Variants in EML1 observed in about 807,000 individuals in gnomAD.
EML1 encodes echinoderm microtubule-associated protein-like 1.
In EML1, 27 loss-of-function variants were observed where a neutral mutation model predicts 110.4. The observed-to-expected ratio is 0.24, with a 90% CI of 0.18 to 0.34. The LOEUF (loss-of-function observed/expected upper bound fraction) is 0.34. EML1 is among the 10% of genes least tolerant of loss of function. The pLI, the probability that EML1 is intolerant of heterozygous loss-of-function variation, is 1.00. For synonymous variants in EML1, 344 were observed against 385.8 expected (o/e 0.89, Z 1.27); for missense variants, 741 against 1,030.9 (o/e 0.72, Z 3.85).
At chr14:99,839,608 T>C (rs746132897) in intron 1 of EML1, among the ~76,000 whole-genome samples, 2 of 152,258 alleles carry the variant, frequency 1.3e-5, no homozygotes, top group Non-Finnish European at 2.9e-5. Context: ...AAAAGATCTT[T>C]ATACCATTTC....
intron 1 of EML1, among the ~76,000 whole-genome samples, chr14:99,783,775 G>A (rs1001989182): frequency 1.3e-5 from 2 of 152,310 alleles, no homozygotes; most frequent in Admixed American, 1.3e-4. Flanking sequence ...GAGCCACCAC[G>A]TCTGGCCCCA....
chr14:99,787,268 CTTTT>C (rs34680462), intron 1 of EML1, among the ~76,000 whole-genome samples: 3 of 101,610 alleles, frequency 3.0e-5, no homozygotes, highest in East Asian at 2.9e-4. Context: ...CTCTGAGATT[CTTTT>C]TTTTTTTTTT....
chr14:99,898,644 C>T (rs74924874), intron 8 of EML1, among the ~76,000 whole-genome samples: 300 of 151,678 alleles, frequency 2.0e-3, no homozygotes, highest in African/African-American at 6.8e-3. Flanking sequence ...CCCAGCTACT[C>T]TGGAGGCTGA....
chr14:99,854,724 A>G (rs1460253102), intron 2 of EML1, among the ~76,000 whole-genome samples: 1 of 151,946 alleles, frequency 6.6e-6, no homozygotes, highest in East Asian at 1.9e-4. Context: ...TGTTGGATTT[A>G]CTCTTGGATA....
At chr14:99,881,760 C>G (rs1000287993) in intron 4 of EML1, among the ~76,000 whole-genome samples, 2 of 151,948 alleles carry the variant, frequency 1.3e-5, no homozygotes, top group African/African-American at 4.8e-5. Context: ...GCCACCATGC[C>G]CAGCTAAGTT....
chr14:99,912,406 C>T (rs1333786905), intron 13 of EML1, among the ~76,000 whole-genome samples: 1 of 152,156 alleles, frequency 6.6e-6, no homozygotes, highest in East Asian at 1.9e-4. Flanking sequence ...CTTCTGCCCA[C>T]TCAGTGAATT....
chr14:99,801,083 G>T (rs528434871), intron 1 of EML1, among the ~76,000 whole-genome samples: 101 of 152,222 alleles, frequency 6.6e-4, no homozygotes, highest in Non-Finnish European at 1.3e-3. Context: ...CCTTCACTCT[G>T]CAAAGCCCCT....
intron 9 of EML1, among the ~76,000 whole-genome samples, chr14:99,904,043 A>G (rs1350967612): frequency 6.6e-6 from 1 of 152,122 alleles, no homozygotes; most frequent in Non-Finnish European, 1.5e-5. Flanking sequence ...TCGGCCTCCC[A>G]AAGTGCTGGG....
intron 8 of EML1, among the ~76,000 whole-genome samples, chr14:99,899,883 A>G (rs1259410497): frequency 2.6e-5 from 4 of 152,120 alleles, no homozygotes; most frequent in South Asian, 2.1e-4. Context: ...CAGTTTACCC[A>G]TAGAGAAATC....
chr14:99,917,557 C>T (rs929212576), intron 15 of EML1, among the ~76,000 whole-genome samples: 1 of 151,932 alleles, frequency 6.6e-6, no homozygotes, highest in Non-Finnish European at 1.5e-5. Context: ...GAGATCCTGC[C>T]TCAAAAAAGG....
At chr14:99,887,289 A>G (rs541492799) in intron 4 of EML1, among the ~76,000 whole-genome samples, 3 of 152,340 alleles carry the variant, frequency 2.0e-5, no homozygotes, top group African/African-American at 7.2e-5. Flanking sequence ...TCTTATAAGC[A>G]ATAAGAACTG....
In EML1 at chr14:99,879,131, T is replaced by C. The variant is rs1052005050; in HGVS notation, c.518+512T>C. ...CATTTTTCTTTATGGTTTCATGAAATACGTGGACTCCAAATTTTTGAGTTT... is the reference window on the plus strand; with the variant it reads ...CATTTTTCTTTATGGTTTCATGAAACACGTGGACTCCAAATTTTTGAGTTT... On this transcript the variant is annotated intron_variant, in intron 4 of 21. Transcript: ENST00000262233. 6.6e-5 allele frequency among the ~76,000 whole-genome samples: 10 copies of C among 152,340 alleles called. No individual in the cohort carries two copies. In the East Asian group the frequency reaches 1.7e-3, roughly 26 times the overall value.
At chr14:99,816,452 C>T (rs2058169348) in intron 1 of EML1, among the ~76,000 whole-genome samples, 1 of 152,200 alleles carries the variant, frequency 6.6e-6, no homozygotes, top group Non-Finnish European at 1.5e-5. Flanking sequence ...CGTGAGCCAC[C>T]GCACCCAGCC....
At chr14:99,838,647 C>G (rs903336419) in intron 1 of EML1, among the ~76,000 whole-genome samples, 3 of 151,550 alleles carry the variant, frequency 2.0e-5, no homozygotes, top group Non-Finnish European at 4.4e-5. Flanking sequence ...TTTTCTTTCT[C>G]CCGTCCAAGC....
intron 2 of EML1, among the ~76,000 whole-genome samples, chr14:99,860,582 T>C (rs1290835132): frequency 6.6e-6 from 1 of 152,190 alleles, no homozygotes; most frequent in African/African-American, 2.4e-5. Flanking sequence ...ATAATTTTTA[T>C]ACATGGTAAT....
chr14:99,890,507 C>A (rs991138807), intron 4 of EML1, among the ~76,000 whole-genome samples: 1 of 152,150 alleles, frequency 6.6e-6, no homozygotes, highest in Non-Finnish European at 1.5e-5. Context: ...GAAGTTTCTC[C>A]TGTGAGGTGC....
chr14:99,824,964 A>G (rs969191082), intron 1 of EML1, among the ~76,000 whole-genome samples: 5 of 152,114 alleles, frequency 3.3e-5, no homozygotes, highest in Non-Finnish European at 7.3e-5. Context: ...ATTCTTTTTT[A>G]TGGCTGTGTA....
intron 17 of EML1, among the ~76,000 whole-genome samples, chr14:99,927,537 A>G (rs1447284085): frequency 6.6e-6 from 1 of 152,114 alleles, no homozygotes; most frequent in Non-Finnish European, 1.5e-5. Context: ...CTAGATCCAT[A>G]AAGGTTGCCA....
exon 1 of EML1, chr14:99,773,694 A>G (rs2057450625): frequency 6.6e-6 from 1 of 152,218 alleles, no homozygotes; most frequent in African/African-American, 2.4e-5. Flanking sequence ...GATGCGCAGG[A>G]TCTTGTGGCA....
Sources: gnomAD v4.1 joint callset for allele counts (sites outside exome capture counted in the v4.1 genomes callset) on GRCh38, gnomAD v4.1.1 for gene constraint, MANE v1.5 for transcripts, NCBI Gene and HGNC (gene_info 2026-07-23, HGNC 2026-07-21) for gene names.